Variants in ARSL observed in about 807,000 individuals in gnomAD.
The protein encoded by ARSL is arylsulfatase L.
A neutral mutation model predicts 31.1 loss-of-function variants in ARSL; 4 were observed. The ratio of observed to expected loss-of-function variants is 0.13; its 90% CI spans 0.06 to 0.29. The LOEUF (loss-of-function observed/expected upper bound fraction) is 0.29. ARSL is among the 10% of genes least tolerant of loss of function. ARSL has a pLI of 1.00. For missense variants in ARSL, 312 were observed against 497.8 expected (o/e 0.63, Z 3.55); for synonymous variants, 198 against 209.9 (o/e 0.94, Z 0.49).
chrX:2,965,751 A>G (rs1569114419), upstream of ARSL, among the ~76,000 whole-genome samples: 1 of 110,751 alleles, frequency 9.0e-6, no homozygotes, highest in Non-Finnish European at 1.9e-5. Context: ...AAATACAAAA[A>G]TTAGCTGGAT....
At chrX:2,935,608 C>T (rs748483880) in intron 10 of ARSL, among the ~76,000 whole-genome samples, 1 of 111,333 alleles carries the variant, frequency 9.0e-6, no homozygotes, top group Non-Finnish European at 1.9e-5. Context: ...GCTACATAGA[C>T]GTGGAGGTTG....
At chrX:2,944,219 G>T (rs929354119) in intron 7 of ARSL, among the ~76,000 whole-genome samples, 19 of 108,867 alleles carry the variant, frequency 1.7e-4, no homozygotes, top group Non-Finnish European at 3.2e-4. Flanking sequence ...ACTTTGGGAG[G>T]CTGAGGCGGG....
Position 2,949,445 on chromosome X carries a change from A to G in ARSL, c.713T>C (p.Leu238Pro). The change falls in exon 6 of 11, where the codon CTC becomes CCC. Residue 238 changes from leucine (L) to proline (P), a missense_variant. By Grantham distance (98) the Leu-to-Pro change is moderately conservative (BLOSUM62 -3). Coordinates refer to ENST00000381134, the MANE Select transcript of ARSL (RefSeq NM_000047.3). Reference sequence around the variant, plus strand: ...AGCACCCACAAAATAGGAGCTTGCGAGGAGGAGGACGGCCGAAAGGGCTGA... The same window carrying G: ...AGCACCCACAAAATAGGAGCTTGCGGGGAGGAGGACGGCCGAAAGGGCTGA... ...IWSALSAVLL[L>P]ASSYFVGALI... The G allele has an allele frequency of 8.3e-7, 1 of 1,211,500 alleles. No homozygotes were observed. The highest frequency in any genetic ancestry group is 1.1e-6 in the Non-Finnish European group (1 of 895,511).
chrX:2,936,013 T>C (rs1202342303), intron 10 of ARSL, among the ~76,000 whole-genome samples: 1 of 111,078 alleles, frequency 9.0e-6, no homozygotes, highest in Non-Finnish European at 1.9e-5. Context: ...CTGGGCAACA[T>C]ACTGAGACCT....
rs769134287 is a variant in ARSL, at chrX:2,963,533, CTTTTTTTTTTTT to C, written c.-21+679_-21+690del. The stretch of plus-strand genomic sequence containing the variant: ...TTTTTCTAATTTTTCTTTTCTTTTC[CTTTTTTTTTTTT>C]TTTTTTTTTTTTTGAGATAGGGTCT... On this transcript the variant is annotated intron_variant, in intron 1 of 10. Coordinates refer to ENST00000381134, the MANE Select transcript of ARSL (RefSeq NM_000047.3). Among the ~76,000 whole-genome samples the C allele has an allele frequency of 1.2e-4, 7 of 59,805 alleles. 1 individual carries two copies. Among genetic ancestry groups the C allele is most frequent in the African/African-American group, 3.8e-4 (5 of 13,140 alleles). 51.9% of individuals were successfully genotyped at this position (59,805 alleles called of 115,157 possible).
intron 6 of ARSL, 66 bp downstream of exon 6, chrX:2,949,238 A>T (rs1305473307): frequency 4.3e-6 from 5 of 1,158,847 alleles, no homozygotes; most frequent in Non-Finnish European, 5.9e-6. Flanking sequence ...ACTGAAGAAG[A>T]CTATTTAGGA....
chrX:2,960,971 C>A (rs2089623325), intron 1 of ARSL, among the ~76,000 whole-genome samples: 1 of 110,341 alleles, frequency 9.1e-6, no homozygotes, highest in Non-Finnish European at 1.9e-5. Context: ...GGAATCCCAG[C>A]ACTTTGGGAG....
At chrX:2,953,062 C>A (rs1339319241) in intron 5 of ARSL, 81 bp downstream of exon 5, 1 of 1,112,848 alleles carries the variant, frequency 9.0e-7, no homozygotes, top group Non-Finnish European at 1.2e-6. Context: ...GCACCTCACC[C>A]ACTTTCCTTT....
At chrX:2,960,469 C>G (rs2089610388) in intron 1 of ARSL, 49 bp from the exon 2 acceptor site, 6 of 1,169,534 alleles carry the variant, frequency 5.1e-6, no homozygotes, top group Non-Finnish European at 4.6e-6. Context: ...AGAAATTGAC[C>G]TGATTATAAA....
intron 2 of ARSL, chrX:2,959,713 A>G (rs1195235685): frequency 1.7e-6 from 2 of 1,147,737 alleles, no homozygotes; most frequent in South Asian, 2.0e-5. Context: ...TTCATTCTCC[A>G]GATGCAGGAT....
intron 3 of ARSL, among the ~76,000 whole-genome samples, chrX:2,957,489 A>C (rs930473236): frequency 9.1e-6 from 1 of 109,676 alleles, no homozygotes; most frequent in Non-Finnish European, 1.9e-5. Flanking sequence ...CGGGTGAATC[A>C]CTTGAGGCCA....
intron 8 of ARSL, among the ~76,000 whole-genome samples, chrX:2,939,245 C>A (rs1368442766): frequency 9.0e-6 from 1 of 111,589 alleles, no homozygotes; most frequent in Non-Finnish European, 1.9e-5. Context: ...GAGGCAGAGA[C>A]TGGAGTGATG....
chrX:2,957,214 C>A (rs1288098611), intron 3 of ARSL, among the ~76,000 whole-genome samples: 2 of 99,969 alleles, frequency 2.0e-5, no homozygotes, highest in Non-Finnish European at 3.9e-5. Context: ...GAGCGAGACT[C>A]CGTCTCAAAA....
intron 1 of ARSL, 23 bp downstream of exon 1, chrX:2,964,201 A>C (rs2089677209): frequency 5.3e-6 from 4 of 754,258 alleles, no homozygotes; most frequent in Non-Finnish European, 6.3e-6. Flanking sequence ...AATCCAGCAC[A>C]AATGAACATT....
intron 2 of ARSL, chrX:2,959,802 T>C: frequency 1.0e-6 from 1 of 979,228 alleles, no homozygotes. Flanking sequence ...ATGCCCATTA[T>C]CTGAGCACGT....
chrX:2,935,325 G>T, intron 10 of ARSL, 135 bp from the exon 11 acceptor site: 2 of 557,461 alleles, frequency 3.6e-6, no homozygotes, highest in Non-Finnish European at 6.0e-6. Flanking sequence ...ACAAAACATG[G>T]TACATCTTAC....
intron 6 of ARSL, among the ~76,000 whole-genome samples, chrX:2,947,492 C>T (rs745560266): frequency 4.5e-5 from 5 of 112,173 alleles, no homozygotes; most frequent in Admixed American, 9.5e-5. Flanking sequence ...ATATTATTTC[C>T]ATTGTCCTCC....
At chrX:2,968,127 A>C (rs1423852427), upstream of ARSL, 3 of 1,155,291 alleles carry the variant, frequency 2.6e-6, no homozygotes, top group Admixed American at 5.2e-5. Flanking sequence ...CTGTAAGAAG[A>C]AGCCCCAGGA....
chrX:2,957,004 G>A (rs1309479774), intron 3 of ARSL, among the ~76,000 whole-genome samples: 1 of 101,220 alleles, frequency 9.9e-6, no homozygotes, highest in Non-Finnish European at 2.0e-5. Flanking sequence ...GGCAGATCAC[G>A]AGGTCAGGAG....
Sources: gnomAD v4.1 joint callset for allele counts (sites outside exome capture counted in the v4.1 genomes callset) on GRCh38, gnomAD v4.1.1 for gene constraint, MANE v1.5 for transcripts, NCBI Gene and HGNC (gene_info 2026-07-23, HGNC 2026-07-21) for gene names.